Variants in MAPK8 observed in about 807,000 individuals in gnomAD.
MAPK8 encodes the protein JUN N-terminal kinase.
A neutral mutation model predicts 52.9 loss-of-function variants in MAPK8; 13 were observed. The observed-to-expected ratio is 0.25, with a 90% CI of 0.16 to 0.39. MAPK8 has a LOEUF of 0.39. Among genes scored for constraint, MAPK8 ranks in the 10% least tolerant of loss-of-function variants. MAPK8 has a pLI of 1.00. For synonymous variants in MAPK8, 191 were observed against 169.8 expected, an observed-to-expected ratio of 1.12 and a Z score of -0.97; for missense variants, 300 against 519.2, an observed-to-expected ratio of 0.58 and a Z score of 4.10.
In MAPK8 at chr10:48,434,815, A is replaced by T. The variant is rs2044714088; in HGVS notation, c.1139-69A>T. ...AAAAAAATTACCACTGGAGGCAGTC[A>T]GTGCAGTGCAAGTAGCTTGATCTGC... On this transcript the variant is annotated intron_variant, in intron 11 of 11. Coordinates refer to ENST00000374189, the MANE Select transcript of MAPK8 (RefSeq NM_001323329.2). The T allele has an allele frequency of 2.2e-6, 3 of 1,364,738 alleles. No individual in the cohort carries two copies. The African/African-American group carries it at 4.4e-5, about 20-fold the overall frequency. 84.5% of individuals were successfully genotyped at this position (1,364,738 alleles called of 1,614,324 possible).
At chr10:48,401,297 TA>T (rs957225766) in intron 1 of MAPK8, among the ~76,000 whole-genome samples, 1 of 152,208 alleles carries the variant, frequency 6.6e-6, no homozygotes, top group African/African-American at 2.4e-5. Context: ...TGGAGTGACG[TA>T]AAAACATGTT....
chr10:48,374,575 A>G lies in MAPK8; in HGVS notation c.-49-27037A>G, dbSNP rs569959735. 2.0e-5 allele frequency among the ~76,000 whole-genome samples: 3 copies of G among 152,314 alleles called. No individual in the cohort carries two copies. In the East Asian group the frequency reaches 5.8e-4, roughly 29 times the overall value. On this transcript the variant is annotated intron_variant, in intron 1 of 11. Coordinates refer to ENST00000374189, the MANE Select transcript of MAPK8 (RefSeq NM_001323329.2). ...GGGGATATCACCACTGATCCCACAGAAATACCAACTACCATCAGAGAATAC... is the reference window on the plus strand; with the variant it reads ...GGGGATATCACCACTGATCCCACAGGAATACCAACTACCATCAGAGAATAC...
At chr10:48,414,598 A>G (rs1382473703) in intron 5 of MAPK8, among the ~76,000 whole-genome samples, 1 of 116,362 alleles carries the variant, frequency 8.6e-6, no homozygotes, top group Non-Finnish European at 1.7e-5. Flanking sequence ...TTTTTTTGAG[A>G]CAGGGTCTCT....
At chr10:48,350,813 T>C (rs1846245598) in intron 1 of MAPK8, among the ~76,000 whole-genome samples, 1 of 152,138 alleles carries the variant, frequency 6.6e-6, no homozygotes, top group Non-Finnish European at 1.5e-5. Context: ...AATAGGAAGA[T>C]AGGAAGTCAA....
intron 1 of MAPK8, among the ~76,000 whole-genome samples, chr10:48,319,729 T>G (rs991905765): frequency 6.6e-6 from 1 of 152,040 alleles, no homozygotes; most frequent in African/African-American, 2.4e-5. Flanking sequence ...TTACCCCAAG[T>G]GATCTACCCA....
chr10:48,376,618 CAT>C (rs1456978626), intron 1 of MAPK8, among the ~76,000 whole-genome samples: 9 of 152,122 alleles, frequency 5.9e-5, no homozygotes, highest in Admixed American at 3.9e-4. Flanking sequence ...AGCCAACAAA[CAT>C]ATGAAAAAAT....
At chr10:48,376,134 G>A (rs907233552) in intron 1 of MAPK8, among the ~76,000 whole-genome samples, 1 of 152,130 alleles carries the variant, frequency 6.6e-6, no homozygotes, top group African/African-American at 2.4e-5. Flanking sequence ...ACAAGCAGTG[G>A]GGAAAGGATT....
intron 3 of MAPK8, among the ~76,000 whole-genome samples, chr10:48,407,016 AT>A (rs1203797720): frequency 6.6e-6 from 1 of 151,900 alleles, no homozygotes; most frequent in African/African-American, 2.4e-5. Flanking sequence ...CAGTCTTTAT[AT>A]TTTTTCTTTT....
At position 48,408,989 on chromosome 10, in the gene MAPK8, C is replaced by A. The variant is rs147494546; in HGVS notation, c.253-890C>A. 3.3e-3 allele frequency among the ~76,000 whole-genome samples: 503 copies of A among 152,230 alleles called. 10 individuals are homozygous for A. The highest frequency in any genetic ancestry group is 0.028 in the Admixed American group (432 of 15,290). On this transcript the variant is annotated intron_variant, in intron 3 of 11. Coordinates refer to ENST00000374189, the MANE Select transcript of MAPK8 (RefSeq NM_001323329.2). ...GGCCACTAATTCCATTATGAGCGCC[C>A]CACTCTCATGACCTAATCTAACCCT...
Position 48,425,997 on chromosome 10 carries a change from T to C in MAPK8, c.798T>C (p.Tyr266=). The change falls in exon 8 of 12, where the codon TAT becomes TAC. Residue 266 remains tyrosine (Y), a synonymous_variant. Transcript: ENST00000374189. ...VRTYVENRPK[Y]AGYSFEKLFP... is the part of the protein sequence containing the mutation. The stretch of plus-strand genomic sequence containing the variant: ...CTTACGTTGAAAACAGACCTAAATA[T>C]GCTGGATATAGCTTTGAGAAACTCT... The C allele has an allele frequency of 6.2e-7, 1 of 1,613,470 alleles. No individual in the cohort carries two copies. Among genetic ancestry groups the C allele is most frequent in the Non-Finnish European group, 8.5e-7 (1 of 1,179,630 alleles).
intron 1 of MAPK8, among the ~76,000 whole-genome samples, chr10:48,394,431 G>GT (rs371424279): frequency 1.1e-4 from 16 of 151,934 alleles, no homozygotes; most frequent in African/African-American, 3.9e-4. Context: ...TGCAAGGGTG[G>GT]TTTAACATTT....
intron 7 of MAPK8, chr10:48,424,626 A>C (rs762639911): frequency 2.2e-6 from 3 of 1,339,932 alleles, no homozygotes; most frequent in Non-Finnish European, 3.1e-6. Context: ...TCTAAAGGTC[A>C]AAATGTATGA....
chr10:48,325,365 A>G (rs1161731812), intron 1 of MAPK8, among the ~76,000 whole-genome samples: 2 of 152,200 alleles, frequency 1.3e-5, no homozygotes, highest in Non-Finnish European at 2.9e-5. Context: ...TTTCTCTTCA[A>G]TATACCAACT....
chr10:48,394,766 G>T (rs1181219806), intron 1 of MAPK8, among the ~76,000 whole-genome samples: 1 of 151,460 alleles, frequency 6.6e-6, no homozygotes, highest in Non-Finnish European at 1.5e-5. Flanking sequence ...CATTCAAATT[G>T]GAAATGAAAA....
chr10:48,377,524 G>T (rs12261651), intron 1 of MAPK8, among the ~76,000 whole-genome samples: 7,028 of 152,134 alleles, frequency 0.046, 535 homozygotes, highest in African/African-American at 0.16. Context: ...AAGCTAATTT[G>T]CGCAGAAGGA....
intron 1 of MAPK8, among the ~76,000 whole-genome samples, chr10:48,359,523 A>G (rs768227300): frequency 2.6e-5 from 4 of 152,180 alleles, no homozygotes; most frequent in African/African-American, 4.8e-5. Flanking sequence ...ATATCGATAT[A>G]TTATAAAATG....
At chr10:48,348,321 C>G (rs556963824) in intron 1 of MAPK8, among the ~76,000 whole-genome samples, 7 of 152,232 alleles carry the variant, frequency 4.6e-5, no homozygotes, top group African/African-American at 1.7e-4. Context: ...CAAAAATTTT[C>G]TCCCGTTCTG....
intron 1 of MAPK8, among the ~76,000 whole-genome samples, chr10:48,379,461 C>T (rs979930087): frequency 1.3e-5 from 2 of 152,186 alleles, no homozygotes; most frequent in African/African-American, 4.8e-5. Context: ...ATACAAACAA[C>T]TATATTGTCA....
At chr10:48,344,544 G>C (rs554697930) in intron 1 of MAPK8, among the ~76,000 whole-genome samples, 19 of 152,242 alleles carry the variant, frequency 1.2e-4, no homozygotes, top group African/African-American at 4.6e-4. Context: ...ATACATTTCT[G>C]AACTGGCAGA....
Sources: gnomAD v4.1 joint callset for allele counts (sites outside exome capture counted in the v4.1 genomes callset) on GRCh38, gnomAD v4.1.1 for gene constraint, MANE v1.5 for transcripts, NCBI Gene and HGNC (gene_info 2026-07-23, HGNC 2026-07-21) for gene names.